HERPUD2: variants seen among roughly 807,000 people sequenced by gnomAD.
The protein encoded by HERPUD2 is homocysteine-responsive endoplasmic reticulum-resident ubiquitin-like domain member 2 protein.
A neutral mutation model predicts 49.9 loss-of-function variants in HERPUD2; 13 were observed. That is an observed-to-expected ratio of 0.26 (90% CI 0.17 to 0.41). The LOEUF is 0.41. Ranked by LOEUF, HERPUD2 falls within the 10% of genes least tolerant of loss-of-function variation. The probability of loss-of-function intolerance (pLI) is 1.00; values close to 1 mark genes in which losing one functional copy is unlikely to be tolerated. For synonymous variants in HERPUD2, 172 were observed against 171.4 expected (o/e 1.00, Z -0.03); for missense variants, 449 against 492.2 (o/e 0.91, Z 0.83).
At chr7:35,680,957 C>CA (rs1198944919) in intron 2 of HERPUD2, among the ~76,000 whole-genome samples, 4 of 121,160 alleles carry the variant, frequency 3.3e-5, no homozygotes, top group Non-Finnish European at 7.4e-5. Context: ...GTTATGAGTC[C>CA]AAAACTGCTT....
chr7:35,672,695 T>G (rs1267437584), intron 3 of HERPUD2, among the ~76,000 whole-genome samples: 1 of 152,126 alleles, frequency 6.6e-6, no homozygotes. Flanking sequence ...AGCCTTCAAG[T>G]TGATTTTATT....
At chr7:35,693,230 G>C (rs1786231093) in intron 2 of HERPUD2, among the ~76,000 whole-genome samples, 1 of 152,170 alleles carries the variant, frequency 6.6e-6, no homozygotes, top group Admixed American at 6.5e-5. Context: ...ATGGAACACA[G>C]AATGGAAAAG....
chr7:35,694,441 T>A lies in HERPUD2; in HGVS notation c.-111A>T. 9.0e-7 allele frequency: 1 copy of A among 1,113,358 alleles called. No individual in the cohort carries two copies. Among genetic ancestry groups the A allele is most frequent in the Non-Finnish European group, 1.3e-6 (1 of 751,222 alleles). The allele number at this position is 1,113,358 out of a possible 1,614,324, so 69.0% of individuals were successfully genotyped here. A position where few individuals can be genotyped will look rare whatever the true frequency, so the allele number is the denominator to read the frequency against. ...GAGGACAGAAGTGAGTTCTTAGTAT[T>A]CCGTGTCCAAGTCAGTTACAAGTGC... is the stretch of plus-strand genomic sequence containing the variant. On this transcript the variant is annotated 5_prime_UTR_variant, in exon 2 of 9. Transcript: ENST00000311350.
At chr7:35,667,233 T>G (rs374526173) in intron 5 of HERPUD2, among the ~76,000 whole-genome samples, 2 of 152,342 alleles carry the variant, frequency 1.3e-5, no homozygotes, top group East Asian at 1.9e-4. Context: ...TTGAAAGCAC[T>G]GCCCTACATG....
At chr7:35,645,197 G>T (rs1785031102) in intron 5 of HERPUD2, among the ~76,000 whole-genome samples, 1 of 152,118 alleles carries the variant, frequency 6.6e-6, no homozygotes, top group Non-Finnish European at 1.5e-5. Context: ...AAATAAAAAA[G>T]CAGTATATAA....
intron 2 of HERPUD2, among the ~76,000 whole-genome samples, chr7:35,679,032 A>T (rs1647753695): frequency 6.6e-6 from 1 of 152,158 alleles, no homozygotes; most frequent in Admixed American, 6.5e-5. Flanking sequence ...CAAATTTTTC[A>T]CGGAAACAAT....
rs1785563461 is a variant in HERPUD2 at position 35,667,556 on chromosome 7, T to C, written c.372A>G (p.Ser124=). 6.2e-7 allele frequency: 1 copy of C among 1,613,582 alleles called. No individual in the cohort carries two copies. The highest frequency in any genetic ancestry group is 1.3e-5 in the African/African-American group (1 of 74,910). The change falls in exon 5 of 9, where the codon TCA becomes TCG. Residue 124 remains serine (S), a synonymous_variant. Coordinates refer to ENST00000311350, the MANE Select transcript of HERPUD2 (RefSeq NM_022373.5). ...CTAAAGACAAGGTTTCTTGACCAGA[T>C]GATGGAGTTGTTGATCCTGAATGAT... ...SSDHSGSTTP[S]SGQETLSLAV...
chr7:35,637,337 G>A (rs1425286660), intron 6 of HERPUD2, among the ~76,000 whole-genome samples: 5 of 152,096 alleles, frequency 3.3e-5, no homozygotes, highest in African/African-American at 1.2e-4. Flanking sequence ...ATATGGGGAA[G>A]GACAAAAGCT....
intron 5 of HERPUD2, among the ~76,000 whole-genome samples, chr7:35,653,764 A>G (rs1429127845): frequency 6.6e-6 from 1 of 152,230 alleles, no homozygotes; most frequent in East Asian, 1.9e-4. Flanking sequence ...GAAACTTTGG[A>G]AACTGTACAA....
intron 2 of HERPUD2, among the ~76,000 whole-genome samples, chr7:35,677,832 A>T (rs1322599647): frequency 6.6e-6 from 1 of 152,184 alleles, no homozygotes; most frequent in Non-Finnish European, 1.5e-5. Context: ...TCTTGTGTAG[A>T]GGAGTTGGAC....
Position 35,670,243 on chromosome 7 carries a change from T to C in HERPUD2, c.311A>G (p.His104Arg), listed in dbSNP as rs769474570. 1 of 1,583,052 alleles carries C rather than the reference T, an allele frequency of 6.3e-7. No homozygotes were observed. The highest frequency in any genetic ancestry group is 1.1e-5 in the South Asian group (1 of 87,430). The change falls in exon 4 of 9, where the codon CAT (histidine) becomes CGT (arginine). Residue 104 changes from histidine to arginine, a missense_variant. Transcript: ENST00000311350. ...SPKSSTNRESHEALASSSNSS... is the reference protein window; with the variant it reads ...SPKSSTNRESREALASSSNSS... ...ATTGCTGCTGGATGCCAATGCTTCATGACTTTCTCTATTGGTGCTGGATTT... is the reference window on the plus strand; with the variant it reads ...ATTGCTGCTGGATGCCAATGCTTCACGACTTTCTCTATTGGTGCTGGATTT...
rs1243565077 is a variant in HERPUD2 at position 35,635,451 on chromosome 7, C to A, written c.625G>T (p.Ala209Ser). The change falls in exon 7 of 9, where the codon GCA becomes TCA. Residue 209 changes from alanine to serine, a missense_variant. Transcript: ENST00000311350. ...AHQYYMQYQA[A>S]VSAQATSNVN... ...TTTGATGTGGCCTGAGCTGAAACTGCAGCTTGACTGAAATAGTCACCAAAA... is the reference window on the plus strand; with the variant it reads ...TTTGATGTGGCCTGAGCTGAAACTGAAGCTTGACTGAAATAGTCACCAAAA... The A allele has an allele frequency of 2.5e-6, 4 of 1,608,738 alleles. No homozygotes were observed. The South Asian group carries it at 3.3e-5, about 13-fold the overall frequency.
At chr7:35,666,111 C>T (rs1194129740) in intron 5 of HERPUD2, among the ~76,000 whole-genome samples, 1 of 152,198 alleles carries the variant, frequency 6.6e-6, no homozygotes, top group African/African-American at 2.4e-5. Flanking sequence ...AAGTGAATTA[C>T]TGTCATAAGA....
chr7:35,640,165 C>T lies in HERPUD2; in HGVS notation c.495-1693G>A, dbSNP rs1286492085. On this transcript the variant is annotated intron_variant, in intron 5 of 8. Coordinates refer to ENST00000311350, the MANE Select transcript of HERPUD2 (RefSeq NM_022373.5). ...TGTTTTGTACAACTCAGCATTTACA[C>T]CAGGGAGCTGATGCATCTCTGAGCA... Among the ~76,000 whole-genome samples the T allele has an allele frequency of 2.0e-5, 3 of 152,208 alleles. No homozygotes were observed. In the East Asian group the frequency reaches 5.8e-4, roughly 29 times the overall value.
At chr7:35,662,870 T>C (rs1025127497) in intron 5 of HERPUD2, among the ~76,000 whole-genome samples, 4 of 152,216 alleles carry the variant, frequency 2.6e-5, no homozygotes, top group African/African-American at 9.6e-5. Context: ...TCTATCTCCT[T>C]CAGTTCTGCT....
rs762157744 is a variant in HERPUD2, at chr7:35,634,433, T to C, written c.942-4A>G. 7 of 1,562,266 alleles carry C rather than the reference T, an allele frequency of 4.5e-6. No homozygotes were observed. Among genetic ancestry groups the C allele is most frequent in the South Asian group, 1.1e-5 (1 of 89,736 alleles). ...AGGAAACCATCCAGCTTGGTGTCTG[T>C]TCAGTAAAATAAAGAGAAAATAAAA... is the stretch of plus-strand genomic sequence containing the variant. On this transcript the variant is annotated splice_polypyrimidine_tract_variant and splice_region_variant and intron_variant, in intron 7 of 8. Coordinates refer to ENST00000311350, the MANE Select transcript of HERPUD2 (RefSeq NM_022373.5).
chr7:35,654,153 C>G (rs1269455241), intron 5 of HERPUD2, among the ~76,000 whole-genome samples: 1 of 150,116 alleles, frequency 6.7e-6, no homozygotes, highest in African/African-American at 2.4e-5. Flanking sequence ...AAAAATACAC[C>G]CCCAAGAACT....
At chr7:35,656,581 T>C (rs1785279719) in intron 5 of HERPUD2, among the ~76,000 whole-genome samples, 2 of 152,178 alleles carry the variant, frequency 1.3e-5, no homozygotes, top group African/African-American at 4.8e-5. Flanking sequence ...AAGGCTATAG[T>C]AACCAAAATA....
At chr7:35,682,357 G>GTGTATATA (rs1315389393) in intron 2 of HERPUD2, among the ~76,000 whole-genome samples, 2 of 25,826 alleles carry the variant, frequency 7.7e-5, no homozygotes, top group Non-Finnish European at 1.5e-4. Flanking sequence ...GTGTGTGTGT[G>GTGTATATA]TATATATATA....
Sources: allele counts gnomAD v4.1 joint callset (sites outside exome capture counted in the v4.1 genomes callset), GRCh38; gene constraint gnomAD v4.1.1; transcripts MANE v1.5; gene names NCBI Gene and HGNC (gene_info 2026-07-23, HGNC 2026-07-21).